Variants in UTRN observed in about 807,000 individuals in gnomAD.
UTRN encodes dystrophin-related protein 1.
Under a neutral mutation model 463.9 loss-of-function variants are expected in UTRN, and 283 were observed. The observed-to-expected ratio is 0.61, with a 90% CI of 0.55 to 0.67. UTRN has a LOEUF of 0.67. UTRN is among the 30% of genes least tolerant of loss of function. UTRN has a pLI of 0.00. For synonymous variants in UTRN, 1,442 were observed against 1,431.5 expected, an observed-to-expected ratio of 1.01 and a Z score of -0.17; for missense variants, 3,922 against 4,084.3, an observed-to-expected ratio of 0.96 and a Z score of 1.08.
chr6:144,708,462 C>T (rs775102131), intron 53 of UTRN: 2 of 600,558 alleles, frequency 3.3e-6, no homozygotes, highest in Non-Finnish European at 5.9e-6. Flanking sequence ...GCCTCTGACT[C>T]CTCACGCCTT....
rs142107402 is a variant in UTRN, at chr6:144,601,435, G to A, written c.7479+24147G>A. On this transcript the variant is annotated intron_variant, in intron 51 of 74. Coordinates refer to ENST00000367545, the MANE Select transcript of UTRN (RefSeq NM_007124.3). Reference sequence around the variant, plus strand: ...TTCCTACCCTCATGGATCATTTTGCGGGGTTCAAGAGTTCAGTGAAGGAAA... The same window carrying A: ...TTCCTACCCTCATGGATCATTTTGCAGGGTTCAAGAGTTCAGTGAAGGAAA... 1.9e-3 allele frequency among the ~76,000 whole-genome samples: 294 copies of A among 151,274 alleles called. 1 individual carries two copies. Among genetic ancestry groups the A allele is most frequent in the Middle Eastern group, 6.9e-3 (2 of 290 alleles).
chr6:144,532,971 C>G (rs1797197050), intron 42 of UTRN, 114 bp from the exon 43 acceptor site: 2 of 519,988 alleles, frequency 3.8e-6, no homozygotes, highest in East Asian at 3.2e-5. Context: ...AAATATCTTT[C>G]CAGGAGTTTG....
chr6:144,660,105 G>C (rs904727457), intron 51 of UTRN: 2 of 432,172 alleles, frequency 4.6e-6, no homozygotes, highest in African/African-American at 4.1e-5. Context: ...GGCAAGGCTT[G>C]TAAAGGATTT....
intron 74 of UTRN, among the ~76,000 whole-genome samples, chr6:144,848,620 T>C (rs1240377110): frequency 1.3e-5 from 2 of 152,126 alleles, no homozygotes; most frequent in Non-Finnish European, 1.5e-5. Context: ...GGTTGAATGA[T>C]ACTGAAATTA....
At position 144,553,368 on chromosome 6, in the gene UTRN, A is replaced by G. The variant is rs1163974525; in HGVS notation, c.6929-1320A>G. ...ATAGCTTTTATGTTTCACTATAACC[A>G]TATATTATCCCAAGAACTTTGCCAA... On this transcript the variant is annotated intron_variant, in intron 48 of 74. Coordinates refer to ENST00000367545, the MANE Select transcript of UTRN (RefSeq NM_007124.3). Among the ~76,000 whole-genome samples the G allele has an allele frequency of 2.6e-5, 4 of 152,254 alleles. No individual in the cohort carries two copies. The East Asian group carries it at 5.8e-4, about 22-fold the overall frequency.
At chr6:144,411,895 C>G (rs1284229458) in intron 3 of UTRN, among the ~76,000 whole-genome samples, 1 of 152,012 alleles carries the variant, frequency 6.6e-6, no homozygotes, top group East Asian at 1.9e-4. Flanking sequence ...TTAAAGAGGA[C>G]GGCTGAGAGA....
At chr6:144,804,217 G>A (rs1777945965) in intron 65 of UTRN, among the ~76,000 whole-genome samples, 1 of 152,026 alleles carries the variant, frequency 6.6e-6, no homozygotes, top group Admixed American at 6.6e-5. Flanking sequence ...ACACTCATAG[G>A]TATCTTATCT....
Position 144,762,552 on chromosome 6 carries a change from CT to C in UTRN, c.8495+4564del, listed in dbSNP as rs1222015362. Among the ~76,000 whole-genome samples the C allele has an allele frequency of 2.0e-5, 3 of 152,294 alleles. No individual in the cohort carries two copies. In the South Asian group the frequency reaches 6.2e-4, roughly 32 times the overall value. On this transcript the variant is annotated intron_variant, in intron 58 of 74. Coordinates refer to ENST00000367545, the MANE Select transcript of UTRN (RefSeq NM_007124.3). ...CATAGGCTAATTTCTACAGGAGGAT[CT>C]ATTTTCTAGATGTTTAAAGCAGTTT...
intron 2 of UTRN, among the ~76,000 whole-genome samples, chr6:144,337,174 CACAG>C (rs959093015): frequency 2.9e-5 from 4 of 140,160 alleles, no homozygotes; most frequent in African/African-American, 1.2e-4. Context: ...GACACACACA[CACAG>C]ACACACACAC....
At chr6:144,370,079 C>T (rs1180628757) in intron 2 of UTRN, among the ~76,000 whole-genome samples, 1 of 152,154 alleles carries the variant, frequency 6.6e-6, no homozygotes, top group Non-Finnish European at 1.5e-5. Flanking sequence ...AGATACCTGA[C>T]AATGTGGAAG....
intron 34 of UTRN, among the ~76,000 whole-genome samples, chr6:144,503,272 T>C (rs1294944785): frequency 6.6e-6 from 1 of 152,236 alleles, no homozygotes; most frequent in Non-Finnish European, 1.5e-5. Flanking sequence ...TATTTGTCAA[T>C]TTTGGCTTTT....
intron 52 of UTRN, 54 bp from the exon 53 acceptor site, chr6:144,700,033 A>G: frequency 1.3e-6 from 2 of 1,502,630 alleles, no homozygotes; most frequent in Non-Finnish European, 1.8e-6. Flanking sequence ...AATTTTGTGA[A>G]TGTAATTTGC....
chr6:144,394,981 AT>A (rs1222554913), intron 2 of UTRN, among the ~76,000 whole-genome samples: 1 of 151,892 alleles, frequency 6.6e-6, no homozygotes, highest in South Asian at 2.1e-4. Flanking sequence ...TGTTTTCCCC[AT>A]TTTTTTTCCA....
In UTRN at chr6:144,537,698, A is replaced by G; in HGVS notation, c.6350A>G (p.Glu2117Gly). 6.2e-7 allele frequency: 1 copy of G among 1,610,646 alleles called. No individual in the cohort carries two copies. The highest frequency in any genetic ancestry group is 1.1e-5 in the South Asian group (1 of 90,442). Residue 2117 changes from glutamate to glycine, a missense_variant, in exon 44 of 75, where the codon GAA (glutamate) becomes GGA (glycine). Glu to Gly is a moderately conservative substitution (Grantham distance 98, BLOSUM62 -2). Transcript: ENST00000367545. Reference protein sequence around the residue: ...MQKRSTTELGENLQELRDLTQ... With the variant: ...MQKRSTTELGGNLQELRDLTQ... ...AAGAGATCAACCACCGAATTGGGAG[A>G]AAACCTGCAAGAATTAAGAGTAAGT...
At position 144,768,948 on chromosome 6, in the gene UTRN, G is replaced by GTTTTTTTT. The variant is rs35525101; in HGVS notation, c.8496-2955_8496-2954insTTTTTTTT. 9.7e-4 allele frequency among the ~76,000 whole-genome samples: 122 copies of GTTTTTTTT among 125,920 alleles called. 2 individuals are homozygous for GTTTTTTTT. The highest frequency in any genetic ancestry group is 3.3e-3 in the East Asian group (14 of 4,234). 82.6% of individuals were successfully genotyped at this position (125,920 alleles called of 152,430 possible). A position where few individuals can be genotyped will look rare whatever the true frequency, so the allele number is the denominator to read the frequency against. On this transcript the variant is annotated intron_variant, in intron 58 of 74. Coordinates refer to ENST00000367545, the MANE Select transcript of UTRN (RefSeq NM_007124.3). ...ACTGTTAATTGCTACTTTGTTTTTT[G>GTTTTTTTT]TTTTGTTTTGTTTTTTTTTTTTTAA...
At chr6:144,289,453 T>C (rs574286937) in intron 1 of UTRN, among the ~76,000 whole-genome samples, 20 of 152,192 alleles carry the variant, frequency 1.3e-4, no homozygotes, top group African/African-American at 4.6e-4. Context: ...CACCCAGATG[T>C]CCTTTTTATT....
chr6:144,846,242 G>A (rs74338836), intron 73 of UTRN, among the ~76,000 whole-genome samples: 3 of 152,142 alleles, frequency 2.0e-5, no homozygotes, highest in African/African-American at 2.4e-5. Flanking sequence ...TAACTTCTCC[G>A]TTGTTCCTAA....
intron 51 of UTRN, among the ~76,000 whole-genome samples, chr6:144,589,578 G>A (rs1038920323): frequency 2.6e-5 from 4 of 152,140 alleles, no homozygotes; most frequent in African/African-American, 7.2e-5. Context: ...GATAAAATGG[G>A]TCACTCAGTA....
chr6:144,333,401 A>T (rs1023169068), intron 2 of UTRN: 2 of 152,180 alleles, frequency 1.3e-5, no homozygotes, highest in African/African-American at 4.8e-5. Flanking sequence ...CAGATTTTTC[A>T]TATAGCATGT....
Sources: gnomAD v4.1 joint callset for allele counts (sites outside exome capture counted in the v4.1 genomes callset) on GRCh38, gnomAD v4.1.1 for gene constraint, MANE v1.5 for transcripts, NCBI Gene and HGNC (gene_info 2026-07-23, HGNC 2026-07-21) for gene names.